Variants in TACC1 observed in about 807,000 individuals in gnomAD.
TACC1 encodes the protein transforming acidic coiled-coil containing protein 1.
Under a neutral mutation model 84.4 loss-of-function variants are expected in TACC1, and 48 were observed. The observed-to-expected ratio is 0.57, with a 90% CI of 0.45 to 0.72. TACC1 has a LOEUF of 0.72. Ranked by LOEUF, TACC1 falls within the 30% of genes least tolerant of loss-of-function variation. TACC1 has a pLI of 0.00. For synonymous variants in TACC1, 372 were observed against 376.3 expected (o/e 0.99, Z 0.13); for missense variants, 920 against 973.0 (o/e 0.95, Z 0.72).
rs140670614 is a variant in TACC1 at position 38,842,138 on chromosome 8, C to T, written c.1961-149C>T. ...GTTCTTTCCCCATCACTTGTTACCA[C>T]GCGTCTCCCCCAACTAGAGTATAAG... On this transcript the variant is annotated intron_variant, in intron 9 of 12. Coordinates refer to ENST00000317827, the MANE Select transcript of TACC1 (RefSeq NM_006283.3). 289 of 850,572 alleles carry T rather than the reference C, an allele frequency of 3.4e-4. 1 individual carries two copies. Among genetic ancestry groups the T allele is most frequent in the Non-Finnish European group, 4.3e-4 (235 of 549,846 alleles). 52.7% of individuals were successfully genotyped at this position (850,572 alleles called of 1,614,324 possible).
chr8:38,839,412 G>A, intron 8 of TACC1: 1 of 390,968 alleles, frequency 2.6e-6, no homozygotes, highest in East Asian at 3.6e-5. Flanking sequence ...CACACAGTGT[G>A]GTCAACACTT....
chr8:38,822,883 A>G (rs906837520), intron 3 of TACC1, among the ~76,000 whole-genome samples: 12 of 152,360 alleles, frequency 7.9e-5, no homozygotes, highest in African/African-American at 2.9e-4. Context: ...TGCATGACTG[A>G]AATGTCATTA....
chr8:38,762,568 T>G (rs1811417444), intron 3 of TACC1, among the ~76,000 whole-genome samples: 1 of 152,034 alleles, frequency 6.6e-6, no homozygotes, highest in Non-Finnish European at 1.5e-5. Flanking sequence ...TTTTTGTTTT[T>G]TTTGGGGGGA....
chr8:38,789,641 T>C (rs150516492), intron 2 of TACC1, among the ~76,000 whole-genome samples: 2 of 150,562 alleles, frequency 1.3e-5, no homozygotes, highest in African/African-American at 4.9e-5. Flanking sequence ...TGAAGGGGAG[T>C]TAGTGGGGGC....
At chr8:38,809,044 C>T (rs1483900971) in intron 2 of TACC1, among the ~76,000 whole-genome samples, 1 of 151,900 alleles carries the variant, frequency 6.6e-6, no homozygotes, top group Non-Finnish European at 1.5e-5. Flanking sequence ...ATGACTGGGC[C>T]GGGGGTGTAT....
At chr8:38,758,678 CAAAAAAAA>C (rs773304871) in intron 3 of TACC1, among the ~76,000 whole-genome samples, 3,535 of 25,908 alleles carry the variant, frequency 0.14, 133 homozygotes, top group African/African-American at 0.28. Flanking sequence ...GACTCCATCT[CAAAAAAAA>C]AAAAAAAAAA....
chr8:38,730,277 C>G (rs1804662067), intron 1 of TACC1, among the ~76,000 whole-genome samples: 1 of 152,234 alleles, frequency 6.6e-6, no homozygotes, highest in Admixed American at 6.5e-5. Context: ...AGCGAGCCAG[C>G]TGTTCCATCT....
intron 1 of TACC1, among the ~76,000 whole-genome samples, chr8:38,739,897 G>C (rs1806743039): frequency 6.6e-6 from 1 of 152,206 alleles, no homozygotes; most frequent in South Asian, 2.1e-4. Context: ...GAGCACCATA[G>C]CAAAGCTTGG....
chr8:38,792,185 A>G (rs1818826597), intron 2 of TACC1, among the ~76,000 whole-genome samples: 1 of 152,202 alleles, frequency 6.6e-6, no homozygotes, highest in Non-Finnish European at 1.5e-5. Flanking sequence ...TTCTCCCACT[A>G]AAGTTGTTTA....
intron 3 of TACC1, among the ~76,000 whole-genome samples, chr8:38,758,634 G>C (rs1056278490): frequency 6.9e-6 from 1 of 145,096 alleles, no homozygotes; most frequent in Non-Finnish European, 1.5e-5. Context: ...AGCCAAGATC[G>C]GGCCACTGCA....
intron 3 of TACC1, among the ~76,000 whole-genome samples, chr8:38,750,815 T>C (rs184772483): frequency 2.2e-4 from 34 of 152,340 alleles, no homozygotes; most frequent in Non-Finnish European, 4.4e-4. Context: ...AGCTATACCG[T>C]GTTCATGGAT....
intron 1 of TACC1, among the ~76,000 whole-genome samples, chr8:38,737,942 G>A (rs1435473790): frequency 6.6e-6 from 1 of 151,772 alleles, no homozygotes; most frequent in East Asian, 2.0e-4. Context: ...GGTCAGCCTC[G>A]TCTCAAACTT....
rs1486204460 is a variant in TACC1, at chr8:38,811,412, C to T, written c.278-8110C>T. On this transcript the variant is annotated intron_variant, in intron 2 of 12. Transcript: ENST00000317827. ...AGCCTTATCAGTCTCACCTCATTTCCTCTCTAGAGCATAACTTCTCCTCCT... is the reference window on the plus strand; with the variant it reads ...AGCCTTATCAGTCTCACCTCATTTCTTCTCTAGAGCATAACTTCTCCTCCT... Among the ~76,000 whole-genome samples the T allele has an allele frequency of 2.0e-5, 3 of 152,216 alleles. 1 individual carries two copies. The highest frequency in any genetic ancestry group is 2.0e-4 in the Admixed American group (3 of 15,280).
At position 38,851,258 on chromosome 8, in the gene TACC1, T is replaced by C. The variant is rs1210769110; in HGVS notation, c.*3235T>C. 6.6e-6 allele frequency: 1 copy of C among 152,210 alleles called. No homozygotes were observed. The highest frequency in any genetic ancestry group is 1.5e-5 in the Non-Finnish European group (1 of 68,054). 9.4% of individuals were successfully genotyped at this position (152,210 alleles called of 1,614,324 possible). On this transcript the variant is annotated 3_prime_UTR_variant, in exon 13 of 13. Transcript: ENST00000317827. ...GTTTTGGAGGATAGCTCAAGTTGAA[T>C]TTTCTTTCCAGCCAGTTACCCTTTC...
chr8:38,735,230 TG>T (rs1805736865), intron 1 of TACC1, among the ~76,000 whole-genome samples: 1 of 152,168 alleles, frequency 6.6e-6, no homozygotes, highest in Non-Finnish European at 1.5e-5. Context: ...CTTTGGAAAA[TG>T]AGGCTTAAGA....
upstream of TACC1, chr8:38,785,761 C>T: frequency 1.0e-6 from 1 of 976,576 alleles, no homozygotes; most frequent in South Asian, 4.7e-5. Context: ...AAAACTACAA[C>T]AGTTGGATAA....
intron 3 of TACC1, among the ~76,000 whole-genome samples, chr8:38,777,924 A>G (rs147360115): frequency 2.6e-4 from 40 of 152,322 alleles, no homozygotes; most frequent in African/African-American, 8.9e-4. Context: ...CTGTGTGACC[A>G]TGTGCTCAGC....
chr8:38,768,600 C>T (rs1256476172), intron 3 of TACC1, among the ~76,000 whole-genome samples: 1 of 152,142 alleles, frequency 6.6e-6, no homozygotes, highest in Non-Finnish European at 1.5e-5. Flanking sequence ...TTCCATACCC[C>T]TGTATGAATG....
intron 12 of TACC1, among the ~76,000 whole-genome samples, 193 bp downstream of exon 12, chr8:38,847,012 G>A (rs1212432283): frequency 2.0e-5 from 3 of 152,204 alleles, no homozygotes; most frequent in Non-Finnish European, 4.4e-5. Flanking sequence ...CACATCATGT[G>A]GAAATCATCC....
Sources: allele counts gnomAD v4.1 joint callset (sites outside exome capture counted in the v4.1 genomes callset), GRCh38; gene constraint gnomAD v4.1.1; transcripts MANE v1.5; gene names NCBI Gene and HGNC (gene_info 2026-07-23, HGNC 2026-07-21).